Variants in SLC4A10 observed in about 807,000 individuals in gnomAD.
SLC4A10 encodes sodium-driven chloride bicarbonate exchanger.
A neutral mutation model predicts 137.7 loss-of-function variants in SLC4A10; 42 were observed. That is an observed-to-expected ratio of 0.30 (90% confidence interval 0.24 to 0.39). SLC4A10 has a LOEUF of 0.39. Among genes scored for constraint, SLC4A10 ranks in the 10% least tolerant of loss-of-function variants. The pLI is 1.00. For synonymous variants in SLC4A10, 474 were observed against 464.1 expected, an observed-to-expected ratio of 1.02 and a Z score of -0.27; for missense variants, 925 against 1,355.0, an observed-to-expected ratio of 0.68 and a Z score of 4.98.
chr2:161,752,172 G>A (rs1179083756), intron 1 of SLC4A10, among the ~76,000 whole-genome samples: 1 of 151,932 alleles, frequency 6.6e-6, no homozygotes, highest in African/African-American at 2.4e-5. Flanking sequence ...TGTGTTAAGT[G>A]CTGACCTATC....
chr2:161,933,237 TTC>T (rs1232607326), intron 15 of SLC4A10, among the ~76,000 whole-genome samples: 2 of 141,698 alleles, frequency 1.4e-5, no homozygotes, highest in Non-Finnish European at 3.1e-5. Context: ...CTTTCTTTCT[TTC>T]TTTCTTTCTT....
At chr2:161,833,814 C>T (rs1405958467) in intron 3 of SLC4A10, among the ~76,000 whole-genome samples, 1 of 152,152 alleles carries the variant, frequency 6.6e-6, no homozygotes, top group Non-Finnish European at 1.5e-5. Context: ...CATCCATCGG[C>T]ATCTGGTATT....
intron 3 of SLC4A10, among the ~76,000 whole-genome samples, chr2:161,837,606 T>C (rs1212992523): frequency 6.6e-6 from 1 of 152,176 alleles, no homozygotes; most frequent in East Asian, 1.9e-4. Context: ...AAAATGTATA[T>C]CAAAAGGCAA....
At chr2:161,769,852 T>C (rs1330379238) in intron 1 of SLC4A10, among the ~76,000 whole-genome samples, 1 of 151,896 alleles carries the variant, frequency 6.6e-6, no homozygotes, top group African/African-American at 2.4e-5. Context: ...GACTCTTGTA[T>C]TCACTACTAC....
intron 1 of SLC4A10, among the ~76,000 whole-genome samples, chr2:161,756,795 C>A (rs1034032556): frequency 2.6e-5 from 4 of 151,938 alleles, no homozygotes; most frequent in Non-Finnish European, 4.4e-5. Flanking sequence ...GTATAAGCCA[C>A]AATTGAAGTT....
At chr2:161,929,656 C>T (rs961896587) in intron 15 of SLC4A10, among the ~76,000 whole-genome samples, 4 of 152,140 alleles carry the variant, frequency 2.6e-5, no homozygotes, top group African/African-American at 9.7e-5. Context: ...GTTGGGATTC[C>T]CAGTCGGGAG....
chr2:161,922,449 A>G (rs1388075878), intron 15 of SLC4A10, among the ~76,000 whole-genome samples: 1 of 152,150 alleles, frequency 6.6e-6, no homozygotes, highest in Non-Finnish European at 1.5e-5. Flanking sequence ...TATATTATTT[A>G]AATAGTCATC....
intron 15 of SLC4A10, among the ~76,000 whole-genome samples, chr2:161,906,917 G>T (rs1051259828): frequency 6.6e-6 from 1 of 152,054 alleles, no homozygotes; most frequent in African/African-American, 2.4e-5. Flanking sequence ...TTAGCCAGGC[G>T]TGGTGGCGGG....
intron 2 of SLC4A10, among the ~76,000 whole-genome samples, chr2:161,777,521 A>C (rs2052499738): frequency 6.6e-6 from 1 of 152,012 alleles, no homozygotes; most frequent in South Asian, 2.1e-4. Context: ...AGCAATTTAC[A>C]AAAGAAAGTG....
chr2:161,751,026 T>C (rs2048909241), intron 1 of SLC4A10, among the ~76,000 whole-genome samples: 1 of 151,916 alleles, frequency 6.6e-6, no homozygotes, highest in Middle Eastern at 3.4e-3. Flanking sequence ...GAAATAAGTA[T>C]AGCTACTCCT....
At chr2:161,658,492 G>T (rs1418205584) in intron 1 of SLC4A10, among the ~76,000 whole-genome samples, 1 of 151,882 alleles carries the variant, frequency 6.6e-6, no homozygotes, top group Non-Finnish European at 1.5e-5. Context: ...TTTGCACACA[G>T]TATGGTGAAT....
chr2:161,698,731 G>A (rs1338671192), intron 1 of SLC4A10, among the ~76,000 whole-genome samples: 1 of 152,078 alleles, frequency 6.6e-6, no homozygotes, highest in African/African-American at 2.4e-5. Flanking sequence ...GAGGATTTTT[G>A]CATCGATGTT....
At chr2:161,653,738 A>T (rs1036487511) in intron 1 of SLC4A10, among the ~76,000 whole-genome samples, 2 of 152,196 alleles carry the variant, frequency 1.3e-5, no homozygotes, top group African/African-American at 4.8e-5. Context: ...CTTTTTAAAG[A>T]CTGAGTATTT....
At chr2:161,869,748 CTACT>C (rs975749149) in intron 6 of SLC4A10, among the ~76,000 whole-genome samples, 14 of 151,516 alleles carry the variant, frequency 9.2e-5, no homozygotes, top group Non-Finnish European at 1.6e-4. Flanking sequence ...ATTTGAAGTG[CTACT>C]TAAACTTCGC....
intron 4 of SLC4A10, among the ~76,000 whole-genome samples, chr2:161,854,410 C>T (rs2059989594): frequency 6.6e-6 from 1 of 152,106 alleles, no homozygotes; most frequent in African/African-American, 2.4e-5. Flanking sequence ...GGGGTCTGAG[C>T]TCAATTCTCA....
intron 15 of SLC4A10, among the ~76,000 whole-genome samples, chr2:161,917,719 G>A (rs1687380971): frequency 6.6e-6 from 1 of 152,146 alleles, no homozygotes. Flanking sequence ...GTGCTGGTGT[G>A]TAGCGGTATT....
intron 1 of SLC4A10, among the ~76,000 whole-genome samples, chr2:161,669,251 T>C (rs767540315): frequency 1.3e-4 from 20 of 151,870 alleles, no homozygotes; most frequent in Non-Finnish European, 2.4e-4. Context: ...TATGGGATCA[T>C]GTAGGATTTG....
At chr2:161,641,984 A>G (rs1405290567) in intron 1 of SLC4A10, among the ~76,000 whole-genome samples, 1 of 151,966 alleles carries the variant, frequency 6.6e-6, no homozygotes, top group Non-Finnish European at 1.5e-5. Context: ...TTATAATTCC[A>G]TCTGTTTCCT....
intron 1 of SLC4A10, among the ~76,000 whole-genome samples, chr2:161,687,578 T>C (rs2041572770): frequency 6.6e-6 from 1 of 152,202 alleles, no homozygotes; most frequent in Non-Finnish European, 1.5e-5. Context: ...CTCTATTCTA[T>C]ATACTGTGTC....
Sources: allele counts gnomAD v4.1 joint callset (sites outside exome capture counted in the v4.1 genomes callset), GRCh38; gene constraint gnomAD v4.1.1; transcripts MANE v1.5; gene names NCBI Gene and HGNC (gene_info 2026-07-23, HGNC 2026-07-21).